Variants in TMEM60 observed in about 807,000 individuals in gnomAD.
TMEM60 encodes the protein transmembrane protein 60, also known as chromosome 7 open reading frame 35.
Under a neutral mutation model 10.7 loss-of-function variants are expected in TMEM60, and 4 were observed. The observed-to-expected ratio is 0.37, with a 90% CI of 0.18 to 0.86. The LOEUF (loss-of-function observed/expected upper bound fraction) is 0.86, where lower values mean the gene tolerates loss of function less well. Among genes scored for constraint, TMEM60 ranks in the 40% least tolerant of loss-of-function variants. The pLI is 0.43. For synonymous variants in TMEM60, 56 were observed against 58.1 expected (o/e 0.96, Z 0.17); for missense variants, 128 against 153.4 (o/e 0.83, Z 0.88).
chr7:77,794,171 C>T lies in TMEM60; in HGVS notation c.203G>A (p.Arg68Gln), dbSNP rs779804125. ...TTTTTTAATATTGTGTGATCCATGT[C>T]GAGGGTCAAAGCCAGACTTACACCG... ...AGRCKSGFDP[R>Q]HGSHNIKKKA... The change falls in exon 2 of 2, where the codon CGA (arginine) becomes CAA (glutamine). Residue 68 changes from arginine to glutamine, a missense_variant. Physicochemically the swap from Arg to Gln is conservative, Grantham distance 43 (BLOSUM62 1). Transcript: ENST00000257663. 1.1e-5 allele frequency: 17 copies of T among 1,612,592 alleles called. No homozygotes were observed. In the East Asian group the frequency reaches 1.1e-4, roughly 11 times the overall value.
chr7:77,795,174 T>C (rs1792154841), intron 1 of TMEM60, among the ~76,000 whole-genome samples: 2 of 151,652 alleles, frequency 1.3e-5, no homozygotes, highest in African/African-American at 4.9e-5. Context: ...AGTCAATCCA[T>C]CAATAAAAGG....
intron 1 of TMEM60, among the ~76,000 whole-genome samples, chr7:77,795,496 G>A (rs957848620): frequency 6.8e-6 from 1 of 147,228 alleles, no homozygotes; most frequent in Non-Finnish European, 1.5e-5. Flanking sequence ...CCTGGGCGAT[G>A]GGAGTGAGAC....
chr7:77,794,897 A>C (rs1285570897), intron 1 of TMEM60, among the ~76,000 whole-genome samples: 1 of 152,158 alleles, frequency 6.6e-6, no homozygotes, highest in Admixed American at 6.5e-5. Flanking sequence ...GGCTCATGCC[A>C]GTAATCCCAG....
At chr7:77,798,136 C>T in intron 1 of TMEM60, 118 bp downstream of exon 1, 1 of 152,634 alleles carries the variant, frequency 6.6e-6, no homozygotes, top group Non-Finnish European at 1.5e-5. Flanking sequence ...GCCAAGCAGG[C>T]GTGTGCGCGT....
intron 1 of TMEM60, among the ~76,000 whole-genome samples, chr7:77,798,027 C>T (rs1163218374): frequency 6.6e-6 from 1 of 152,076 alleles, no homozygotes; most frequent in Non-Finnish European, 1.5e-5. Flanking sequence ...ACAGTCGGCT[C>T]GCGGCGCCCC....
At chr7:77,796,269 C>T (rs764065531) in intron 1 of TMEM60, among the ~76,000 whole-genome samples, 1 of 152,126 alleles carries the variant, frequency 6.6e-6, no homozygotes, top group Non-Finnish European at 1.5e-5. Context: ...TTTGCCCTTA[C>T]AGTTTTTCAA....
chr7:77,797,932 C>T (rs995159085), intron 1 of TMEM60, among the ~76,000 whole-genome samples: 1 of 152,248 alleles, frequency 6.6e-6, no homozygotes, highest in Admixed American at 6.5e-5. Flanking sequence ...CAGCGTTCTG[C>T]TTACAACTTA....
rs368712101 is a variant in TMEM60, at chr7:77,794,054, G to A, written c.320C>T (p.Ser107Phe). The A allele has an allele frequency of 6.2e-7, 1 of 1,613,368 alleles. No homozygotes were observed. Among genetic ancestry groups the A allele is most frequent in the Non-Finnish European group, 8.5e-7 (1 of 1,179,830 alleles). The change falls in exon 2 of 2, where the codon TCC becomes TTC. Residue 107 changes from serine (S) to phenylalanine (F), a missense_variant. Coordinates refer to ENST00000257663, the MANE Select transcript of TMEM60 (RefSeq NM_032936.4). ...KLEQFTTMNL[S>F]YVFIPLWALL... is the part of the protein sequence containing the mutation. Reference sequence around the variant, plus strand: ...GGCCCATAAAGGAATGAAGACATAGGATAGATTCATGGTAGTAAACTGTTC... The same window carrying A: ...GGCCCATAAAGGAATGAAGACATAGAATAGATTCATGGTAGTAAACTGTTC...
At position 77,794,269 on chromosome 7, in the gene TMEM60, C is replaced by G. The variant is rs760954380; in HGVS notation, c.105G>C (p.Trp35Cys). 5 of 1,613,550 alleles carry G rather than the reference C, an allele frequency of 3.1e-6. No homozygotes were observed. In the African/African-American group the frequency reaches 5.3e-5, roughly 17 times the overall value. The change falls in exon 2 of 2, where the codon TGG (tryptophan) becomes TGC (cysteine). Residue 35 changes from tryptophan to cysteine, a missense_variant. By Grantham distance (215) the Trp-to-Cys change is radical. Coordinates refer to ENST00000257663, the MANE Select transcript of TMEM60 (RefSeq NM_032936.4). ...TCCAGACTGGAATGAATATGAGGAA[C>G]CAGTTCCAAGGTGCTTTCTCATCCA... Reference protein sequence around the residue: ...LKLDEKAPWNWFLIFIPVWIF... With the variant: ...LKLDEKAPWNCFLIFIPVWIF...
intron 1 of TMEM60, among the ~76,000 whole-genome samples, chr7:77,794,889 C>T (rs914449248): frequency 1.3e-5 from 2 of 152,280 alleles, no homozygotes; most frequent in East Asian, 1.9e-4. Context: ...GGGTGCGTGG[C>T]TCATGCCAGT....
At position 77,794,125 on chromosome 7, in the gene TMEM60, T is replaced by G; in HGVS notation, c.249A>C (p.Ala83=). The G allele has an allele frequency of 6.2e-7, 1 of 1,614,012 alleles. No homozygotes were observed. Among genetic ancestry groups the G allele is most frequent in the Non-Finnish European group, 8.5e-7 (1 of 1,179,998 alleles). Residue 83 remains alanine (A), a synonymous_variant, in exon 2 of 2, where the codon GCA becomes GCC. Coordinates refer to ENST00000257663, the MANE Select transcript of TMEM60 (RefSeq NM_032936.4). ...GGCAGAAGGCTAATTTAAGTAACATTGCAATGAGGTACCAGGCTTTTTTTT... is the reference window on the plus strand; with the variant it reads ...GGCAGAAGGCTAATTTAAGTAACATGGCAATGAGGTACCAGGCTTTTTTTT... The part of the protein sequence containing the change: ...NIKKKAWYLI[A]MLLKLAFCLA...
At chr7:77,797,240 C>T (rs1011790740) in intron 1 of TMEM60, among the ~76,000 whole-genome samples, 1 of 152,188 alleles carries the variant, frequency 6.6e-6, no homozygotes, top group African/African-American at 2.4e-5. Context: ...TATACACTTG[C>T]TTAAACCTAA....
intron 1 of TMEM60, among the ~76,000 whole-genome samples, chr7:77,796,520 T>C (rs963343789): frequency 5.3e-5 from 8 of 151,950 alleles, no homozygotes; most frequent in Admixed American, 2.0e-4. Context: ...ATGGAAACAA[T>C]TGAGAACATT....
intron 1 of TMEM60, among the ~76,000 whole-genome samples, chr7:77,796,919 C>G (rs1792180317): frequency 6.6e-6 from 1 of 152,198 alleles, no homozygotes; most frequent in Non-Finnish European, 1.5e-5. Context: ...TCTATTTCAA[C>G]AGTTAAGTAT....
chr7:77,797,948 TCTGGGGGC>T (rs1353907649), intron 1 of TMEM60, among the ~76,000 whole-genome samples: 1 of 152,130 alleles, frequency 6.6e-6, no homozygotes, highest in Admixed American at 6.5e-5. Context: ...ACTTAGCTCA[TCTGGGGGC>T]CTATTTGCCC....
chr7:77,794,079 C>G lies in TMEM60; in HGVS notation c.295G>C (p.Glu99Gln), dbSNP rs2150439930. ...AFCLALCAKL[E>Q]QFTTMNLSYV... ...GATAGATTCATGGTAGTAAACTGTT[C>G]CAGTTTAGCACAGAGTGCGAGGCAG... Residue 99 changes from glutamate to glutamine, a missense_variant, in exon 2 of 2, where the codon GAA (glutamate) becomes CAA (glutamine). Transcript: ENST00000257663. The G allele has an allele frequency of 1.2e-6, 2 of 1,613,990 alleles. No homozygotes were observed. Among genetic ancestry groups the G allele is most frequent in the Non-Finnish European group, 1.7e-6 (2 of 1,179,996 alleles).
chr7:77,794,060 T>C lies in TMEM60; in HGVS notation c.314A>G (p.Asn105Ser). Reference sequence around the variant, plus strand: ...TAAAGGAATGAAGACATAGGATAGATTCATGGTAGTAAACTGTTCCAGTTT... The same window carrying C: ...TAAAGGAATGAAGACATAGGATAGACTCATGGTAGTAAACTGTTCCAGTTT... ...CAKLEQFTTMNLSYVFIPLWA... is the reference protein window; with the variant it reads ...CAKLEQFTTMSLSYVFIPLWA... The change falls in exon 2 of 2, where the codon AAT becomes AGT. Residue 105 changes from asparagine to serine, a missense_variant. Asn to Ser is a conservative substitution (Grantham distance 46, BLOSUM62 1). Coordinates refer to ENST00000257663, the MANE Select transcript of TMEM60 (RefSeq NM_032936.4). 6.2e-7 allele frequency: 1 copy of C among 1,613,716 alleles called. No individual in the cohort carries two copies. Among genetic ancestry groups the C allele is most frequent in the Non-Finnish European group, 8.5e-7 (1 of 1,179,910 alleles).
At position 77,793,851 on chromosome 7, in the gene TMEM60, G is replaced by C. The variant is rs1245422356; in HGVS notation, c.*121C>G. The C allele has an allele frequency of 1.8e-6, 2 of 1,116,010 alleles. No individual in the cohort carries two copies. Among genetic ancestry groups the C allele is most frequent in the Admixed American group, 6.7e-5 (2 of 29,840 alleles). The allele number at this position is 1,116,010 out of a possible 1,614,324, so 69.1% of individuals were successfully genotyped here. ...TCACCAATCCTGTTTTATGGAAGTAGTATAAAACTACATTTGGTATTTTCC... is the reference window on the plus strand; with the variant it reads ...TCACCAATCCTGTTTTATGGAAGTACTATAAAACTACATTTGGTATTTTCC... On this transcript the variant is annotated 3_prime_UTR_variant, in exon 2 of 2. Coordinates refer to ENST00000257663, the MANE Select transcript of TMEM60 (RefSeq NM_032936.4).
rs769995131 is a variant in TMEM60 at position 77,793,843 on chromosome 7, T to C, written c.*129A>G. 2 of 1,023,802 alleles carry C rather than the reference T, an allele frequency of 2.0e-6. No homozygotes were observed. Among genetic ancestry groups the C allele is most frequent in the South Asian group, 2.6e-5 (1 of 38,290 alleles). The allele number at this position is 1,023,802 out of a possible 1,614,324, so 63.4% of individuals were successfully genotyped here. A position where few individuals can be genotyped will look rare whatever the true frequency, so the allele number is the denominator to read the frequency against. On this transcript the variant is annotated 3_prime_UTR_variant, in exon 2 of 2. Transcript: ENST00000257663. The stretch of plus-strand genomic sequence containing the variant: ...TCCGTGATTCACCAATCCTGTTTTA[T>C]GGAAGTAGTATAAAACTACATTTGG...
Sources: allele counts gnomAD v4.1 joint callset (sites outside exome capture counted in the v4.1 genomes callset), GRCh38; gene constraint gnomAD v4.1.1; transcripts MANE v1.5; gene names NCBI Gene and HGNC (gene_info 2026-07-23, HGNC 2026-07-21).